Variants in EIF2D observed in about 807,000 individuals in gnomAD.
EIF2D encodes the protein eukaryotic translation initiation factor 2D, also known as hepatocellular carcinoma-associated antigen 56.
Under a neutral mutation model 77.4 loss-of-function variants are expected in EIF2D, and 56 were observed. That is an observed-to-expected ratio of 0.72 (90% CI 0.58 to 0.90). EIF2D has a LOEUF of 0.90. EIF2D is among the 40% of genes least tolerant of loss of function. The pLI is 0.00. For synonymous variants in EIF2D, 230 were observed against 271.0 expected (o/e 0.85, Z 1.49); for missense variants, 574 against 706.5 (o/e 0.81, Z 2.13).
chr1:206,571,979 G>A (rs1403653024), intron 5 of EIF2D, among the ~76,000 whole-genome samples: 1 of 152,098 alleles, frequency 6.6e-6, no homozygotes, highest in Non-Finnish European at 1.5e-5. Context: ...GCTAAAAAGG[G>A]GGCTTCATGA....
downstream of EIF2D, among the ~76,000 whole-genome samples, chr1:206,591,031 G>A (rs141264461): frequency 2.0e-5 from 3 of 152,274 alleles, no homozygotes; most frequent in Admixed American, 6.5e-5. Flanking sequence ...CAAAATCTGT[G>A]CACCATTTCA....
At chr1:206,577,153 C>T (rs916882400) in intron 4 of EIF2D, among the ~76,000 whole-genome samples, 1 of 152,106 alleles carries the variant, frequency 6.6e-6, no homozygotes, top group Non-Finnish European at 1.5e-5. Context: ...CATCCAGTAG[C>T]TGCTTTTGTG....
intron 14 of EIF2D, 135 bp from the exon 15 acceptor site, chr1:206,591,980 A>C (rs1438151366): frequency 2.6e-6 from 2 of 766,840 alleles, no homozygotes; most frequent in Non-Finnish European, 4.6e-6. Flanking sequence ...ACTTACGCCT[A>C]CACCTCACAG....
intron 4 of EIF2D, among the ~76,000 whole-genome samples, chr1:206,577,952 G>A (rs1384229388): frequency 1.3e-5 from 2 of 152,160 alleles, no homozygotes; most frequent in Non-Finnish European, 2.9e-5. Context: ...GCCAGGCGCG[G>A]TGGGTCACAC....
chr1:206,607,596 G>A (rs1327255873), intron 4 of EIF2D, among the ~76,000 whole-genome samples: 2 of 152,056 alleles, frequency 1.3e-5, no homozygotes, highest in Non-Finnish European at 2.9e-5. Context: ...CTGTCTGTAT[G>A]TAAACTGTAT....
intron 1 of EIF2D, among the ~76,000 whole-genome samples, chr1:206,611,668 T>C (rs1670503128): frequency 6.6e-6 from 1 of 152,244 alleles, no homozygotes; most frequent in South Asian, 2.1e-4. Flanking sequence ...CTTCCTGACT[T>C]CATGCCTAGC....
intron 11 of EIF2D, among the ~76,000 whole-genome samples, chr1:206,598,274 G>A (rs2102284184): frequency 6.6e-6 from 1 of 152,170 alleles, no homozygotes; most frequent in South Asian, 2.1e-4. Flanking sequence ...CTGGCCTCAA[G>A]CAATCCTCCC....
At chr1:206,586,010 T>G (rs1669097425) in intron 2 of EIF2D, 1 of 152,306 alleles carries the variant, frequency 6.6e-6, no homozygotes, top group African/African-American at 2.4e-5. Flanking sequence ...GGACAGTAGC[T>G]GAATGCTGCT....
rs200209277 is a variant in EIF2D, at chr1:206,585,348, G to T, written c.139-4186C>A. ...AGGCCTTAGGGCACCCTGGGTGGGT[G>T]CAGGTGGGTGTTGTCCTAACTACCT... On this transcript the variant is annotated intron_variant and NMD_transcript_variant, in intron 2 of 5. Coordinates refer to the EIF2D transcript ENST00000472709. The T allele has an allele frequency of 3.9e-4, 530 of 1,350,786 alleles. 3 individuals are homozygous for T. The highest frequency in any genetic ancestry group is 5.1e-4 in the Non-Finnish European group (478 of 940,096). 83.7% of individuals were successfully genotyped at this position (1,350,786 alleles called of 1,614,324 possible). A position where few individuals can be genotyped will look rare whatever the true frequency, so the allele number is the denominator to read the frequency against.
chr1:206,599,508 C>T lies in EIF2D; in HGVS notation c.1157G>A (p.Cys386Tyr). The T allele has an allele frequency of 6.2e-7, 1 of 1,613,750 alleles. No homozygotes were observed. The highest frequency in any genetic ancestry group is 8.5e-7 in the Non-Finnish European group (1 of 1,179,852). ...YHPPDIKPLY[C>Y]VPASMTLLFQ... ...GAGCAGGGTCATGCTGGCTGGGACA[C>T]AGTAGAGGGGTTTTATATCTGGAGG... is the stretch of plus-strand genomic sequence containing the variant. Residue 386 changes from cysteine to tyrosine, a missense_variant, in exon 10 of 15, where the codon TGT (cysteine) becomes TAT (tyrosine). By Grantham distance (194) the Cys-to-Tyr change is radical. Coordinates refer to ENST00000271764, the MANE Select transcript of EIF2D (RefSeq NM_006893.3). The surrounding 1 kb of genome is among the most constrained non-coding windows in gnomAD (Gnocchi z 4.1).
At chr1:206,590,391 G>A (rs186413562), downstream of EIF2D, among the ~76,000 whole-genome samples, 29 of 152,246 alleles carry the variant, frequency 1.9e-4, no homozygotes, top group Admixed American at 9.8e-4. Context: ...CTTCAAGATC[G>A]TGCAAAACAA....
At chr1:206,598,982 T>C in intron 11 of EIF2D, 21 bp downstream of exon 11, 1 of 1,612,272 alleles carries the variant, frequency 6.2e-7, no homozygotes, top group Non-Finnish European at 8.5e-7. Context: ...AAGACAGATC[T>C]GGTGCTTCTC....
At chr1:206,596,783 C>T (rs1342307741) in intron 12 of EIF2D, among the ~76,000 whole-genome samples, 1 of 152,028 alleles carries the variant, frequency 6.6e-6, no homozygotes, top group Non-Finnish European at 1.5e-5. Flanking sequence ...CCTCCTGGGC[C>T]CAAGCAATCC....
intron 2 of EIF2D, among the ~76,000 whole-genome samples, chr1:206,609,749 G>A (rs1670380823): frequency 6.6e-6 from 1 of 152,120 alleles, no homozygotes; most frequent in Non-Finnish European, 1.5e-5. Context: ...TTTTATTTAC[G>A]GCTTCAGAAG....
chr1:206,571,783 C>T (rs782102444), intron 5 of EIF2D, among the ~76,000 whole-genome samples: 31 of 152,138 alleles, frequency 2.0e-4, no homozygotes, highest in Non-Finnish European at 2.2e-4. Flanking sequence ...ACTGAAAGGA[C>T]GCTGACCTAG....
At chr1:206,603,829 C>A (rs1242868970) in intron 5 of EIF2D, among the ~76,000 whole-genome samples, 1 of 152,192 alleles carries the variant, frequency 6.6e-6, no homozygotes, top group South Asian at 2.1e-4. Context: ...TTTATCTTAG[C>A]CAACATTATG....
chr1:206,606,731 C>T (rs544138407), intron 4 of EIF2D, among the ~76,000 whole-genome samples: 5 of 152,292 alleles, frequency 3.3e-5, no homozygotes, highest in African/African-American at 1.2e-4. Context: ...CTCTTTCCTT[C>T]TCTCTCAAAG....
chr1:206,585,024 G>T lies in EIF2D; in HGVS notation c.139-3862C>A, dbSNP rs574545285. The T allele has an allele frequency of 1.1e-4, 73 of 659,718 alleles. No homozygotes were observed. The South Asian group carries it at 1.2e-3, about 11-fold the overall frequency. The allele number at this position is 659,718 out of a possible 1,614,324, so 40.9% of individuals were successfully genotyped here. On this transcript the variant is annotated intron_variant and NMD_transcript_variant, in intron 2 of 5. Transcript: ENST00000472709. ...CAGACACCCAAGATAAAAGGTTATT[G>T]CCCTGTTCATTACTGTCATGTTCAT...
chr1:206,570,793 T>G (rs1553404092), downstream of EIF2D, among the ~76,000 whole-genome samples: 1 of 152,226 alleles, frequency 6.6e-6, no homozygotes, highest in Non-Finnish European at 1.5e-5. Context: ...TTTTGTTTAT[T>G]CATCCATCAG....
Sources: allele counts gnomAD v4.1 joint callset (sites outside exome capture counted in the v4.1 genomes callset), GRCh38; gene constraint gnomAD v4.1.1; non-coding constraint Gnocchi (gnomAD v3.1); transcripts MANE v1.5; gene names NCBI Gene and HGNC (gene_info 2026-07-23, HGNC 2026-07-21).